The following BBS5 variants were observed in gnomAD, a reference collection of about 807,000 sequenced individuals.
The protein encoded by BBS5 is BBSome complex member BBS5.
A neutral mutation model predicts 50.2 loss-of-function variants in BBS5; 39 were observed. The ratio of observed to expected loss-of-function variants is 0.78; its 90% CI spans 0.60 to 1.01. BBS5 has a LOEUF of 1.01. Among genes scored for constraint, BBS5 ranks in the 50% least tolerant of loss-of-function variants. The pLI is 0.00. For synonymous variants in BBS5, 134 were observed against 133.1 expected, an observed-to-expected ratio of 1.01 and a Z score of -0.05; for missense variants, 356 against 401.5, an observed-to-expected ratio of 0.89 and a Z score of 0.97.
intron 5 of BBS5, among the ~76,000 whole-genome samples, chr2:169,491,154 G>T (rs1030866143): frequency 1.3e-5 from 2 of 152,102 alleles, no homozygotes; most frequent in African/African-American, 4.8e-5. Flanking sequence ...GTCAACATCT[G>T]TTTTCAGTTC....
Position 169,506,591 on chromosome 2 carries a change from T to C in BBS5, c.*2009T>C, listed in dbSNP as rs1683934250. On this transcript the variant is annotated 3_prime_UTR_variant, in exon 12 of 12. Transcript: ENST00000295240. Reference sequence around the variant, plus strand: ...TATTTTGTACTTAATACCTGTAAAGTCTTAGTTTTCAGACATTAAGTGACT... The same window carrying C: ...TATTTTGTACTTAATACCTGTAAAGCCTTAGTTTTCAGACATTAAGTGACT... 6.6e-6 allele frequency: 1 copy of C among 152,266 alleles called. No individual in the cohort carries two copies. 9.4% of individuals were successfully genotyped at this position (152,266 alleles called of 1,614,324 possible). A position where few individuals can be genotyped will look rare whatever the true frequency, so the allele number is the denominator to read the frequency against.
At position 169,487,789 on chromosome 2, in the gene BBS5, T is replaced by C. The variant is rs1379413615; in HGVS notation, c.209-17T>C. ...TACCATATCATGCTCTTTACATTCT[T>C]TGCTTTTGGATTTTAGCTGTCGGTT... On this transcript the variant is annotated splice_polypyrimidine_tract_variant and intron_variant, in intron 3 of 11. Coordinates refer to ENST00000295240, the MANE Select transcript of BBS5 (RefSeq NM_152384.3). The C allele has an allele frequency of 6.3e-7, 1 of 1,591,708 alleles. No homozygotes were observed. The highest frequency in any genetic ancestry group is 2.2e-5 in the East Asian group (1 of 44,628).
intron 6 of BBS5, among the ~76,000 whole-genome samples, chr2:169,493,480 T>G (rs1030992030): frequency 6.6e-6 from 1 of 152,204 alleles, no homozygotes; most frequent in Non-Finnish European, 1.5e-5. Context: ...ATCTCCATTT[T>G]ACATTTGACA....
At chr2:169,496,960 A>G (rs1683705388) in intron 7 of BBS5, among the ~76,000 whole-genome samples, 1 of 152,194 alleles carries the variant, frequency 6.6e-6, no homozygotes. Context: ...ACTTTAAAAA[A>G]CTAAACTAGG....
intron 8 of BBS5, chr2:169,499,109 G>C (rs1000720556): frequency 2.5e-5 from 5 of 196,734 alleles, no homozygotes; most frequent in African/African-American, 1.2e-4. Context: ...AGTTCCCTTG[G>C]CCTTCACAGT....
At chr2:169,487,168 A>G in intron 3 of BBS5, 34 bp downstream of exon 3, 1 of 1,488,756 alleles carries the variant, frequency 6.7e-7, no homozygotes, top group South Asian at 1.1e-5. Flanking sequence ...CTGAAGAAAA[A>G]AAATCCTTTG....
At chr2:169,496,670 C>G (rs1022287263) in intron 7 of BBS5, among the ~76,000 whole-genome samples, 1 of 151,668 alleles carries the variant, frequency 6.6e-6, no homozygotes, top group African/African-American at 2.4e-5. Flanking sequence ...GAGATCGAGA[C>G]CATCCCGGCT....
At chr2:169,486,739 A>T (rs904438734) in intron 2 of BBS5, among the ~76,000 whole-genome samples, 25 of 152,226 alleles carry the variant, frequency 1.6e-4, no homozygotes, top group Non-Finnish European at 2.8e-4. Context: ...AGTTGTACAC[A>T]TATGACTTGC....
At chr2:169,482,510 A>T in intron 2 of BBS5, 177 bp downstream of exon 2, 1 of 591,156 alleles carries the variant, frequency 1.7e-6, no homozygotes, top group South Asian at 1.9e-5. Context: ...GGTATTAAAC[A>T]TGTAGTTTGG....
chr2:169,487,206 T>A (rs1574336688), intron 3 of BBS5, 72 bp downstream of exon 3: 1 of 970,916 alleles, frequency 1.0e-6, no homozygotes, highest in East Asian at 2.4e-5. Context: ...GTGCCTTTGA[T>A]ACCAAAGAAG....
At chr2:169,493,047 G>A (rs747500320) in intron 6 of BBS5, 38 bp downstream of exon 6, 16 of 1,609,482 alleles carry the variant, frequency 9.9e-6, no homozygotes, top group Non-Finnish European at 1.3e-5. Context: ...TTGGGACAGT[G>A]TTTTGGTAAT....
Position 169,482,344 on chromosome 2 carries a change from T to C in BBS5, c.142+11T>C. Reference sequence around the variant, plus strand: ...ATAATGGAGATAGAGGTGAGTATATTTTTAAATGTATCTTATATTCCTGGT... The same window carrying C: ...ATAATGGAGATAGAGGTGAGTATATCTTTAAATGTATCTTATATTCCTGGT... On this transcript the variant is annotated intron_variant, in intron 2 of 11. Coordinates refer to ENST00000295240, the MANE Select transcript of BBS5 (RefSeq NM_152384.3). The C allele has an allele frequency of 1.4e-6, 2 of 1,480,976 alleles. No individual in the cohort carries two copies. Among genetic ancestry groups the C allele is most frequent in the Non-Finnish European group, 1.9e-6 (2 of 1,059,116 alleles). The allele number at this position is 1,480,976 out of a possible 1,614,324, so 91.7% of individuals were successfully genotyped here.
intron 2 of BBS5, among the ~76,000 whole-genome samples, chr2:169,486,737 A>G (rs1044734409): frequency 7.2e-5 from 11 of 152,196 alleles, no homozygotes; most frequent in Admixed American, 3.9e-4. Context: ...TCAGTTGTAC[A>G]CATATGACTT....
At chr2:169,501,232 C>G (rs1357684519) in intron 9 of BBS5, among the ~76,000 whole-genome samples, 1 of 152,172 alleles carries the variant, frequency 6.6e-6, no homozygotes, top group Admixed American at 6.5e-5. Context: ...CAGCTGTACT[C>G]AAAACTTTGA....
At chr2:169,483,760 T>A (rs946520082) in intron 2 of BBS5, among the ~76,000 whole-genome samples, 2 of 152,114 alleles carry the variant, frequency 1.3e-5, no homozygotes, top group Non-Finnish European at 2.9e-5. Flanking sequence ...AAAGTAATGC[T>A]TAGATCACAC....
Position 169,503,111 on chromosome 2 carries a change from C to T in BBS5, c.833C>T (p.Ala278Val), listed in dbSNP as rs992160516. The change falls in exon 10 of 12, where the codon GCT becomes GTT. Residue 278 changes from alanine to valine, a missense_variant. By Grantham distance (64) the Ala-to-Val change is moderately conservative. Transcript: ENST00000295240. The part of the protein sequence containing the change: ...EMEEKPQPLE[A>V]LTVEQIQDDV... The stretch of plus-strand genomic sequence containing the variant: ...GATTTTCAGCCCCAGCCGCTCGAAG[C>T]TCTGACAGTCGAACAAATTCAAGAT... 1 of 1,613,670 alleles carries T rather than the reference C, an allele frequency of 6.2e-7. No homozygotes were observed. The highest frequency in any genetic ancestry group is 1.1e-5 in the South Asian group (1 of 91,046).
In BBS5 at chr2:169,489,851, C is replaced by CTTTTTTTT. The variant is rs71003093; in HGVS notation, c.386+1771_386+1778dup. Among the ~76,000 whole-genome samples the CTTTTTTTT allele has an allele frequency of 1.1e-3, 71 of 65,886 alleles. 8 individuals are homozygous for CTTTTTTTT. Among genetic ancestry groups the CTTTTTTTT allele is most frequent in the Middle Eastern group, 9.1e-3 (1 of 110 alleles). The allele number at this position is 65,886 out of a possible 152,430, so 43.2% of individuals were successfully genotyped here. A position where few individuals can be genotyped will look rare whatever the true frequency, so the allele number is the denominator to read the frequency against. On this transcript the variant is annotated intron_variant, in intron 5 of 11. Transcript: ENST00000295240. ...TATTTTTTGGCTTCTCATAAATTTCCTTTTTTTTTTTTTTTTTTTTTTTTT... is the reference window on the plus strand; with the variant it reads ...TATTTTTTGGCTTCTCATAAATTTCCTTTTTTTTTTTTTTTTTTTTTTTTTTTTTTTTT...
rs1683489664 is a variant in BBS5 at position 169,486,433 on chromosome 2, T to C, written c.143-636T>C. 2.0e-5 allele frequency among the ~76,000 whole-genome samples: 3 copies of C among 152,314 alleles called. No homozygotes were observed. The South Asian group carries it at 6.2e-4, about 32-fold the overall frequency. Reference sequence around the variant, plus strand: ...TCTTGGAGCATCAGTAAGAGATCACTATTGTACAGGACACATTTTGAGAAA... The same window carrying C: ...TCTTGGAGCATCAGTAAGAGATCACCATTGTACAGGACACATTTTGAGAAA... On this transcript the variant is annotated intron_variant, in intron 2 of 11. Transcript: ENST00000295240.
intron 5 of BBS5, among the ~76,000 whole-genome samples, chr2:169,488,337 G>T (rs1328638736): frequency 6.6e-6 from 1 of 152,150 alleles, no homozygotes. Flanking sequence ...GAATCAGTGG[G>T]AGCCCTGAGC....
Sources: allele counts gnomAD v4.1 joint callset (sites outside exome capture counted in the v4.1 genomes callset), GRCh38; gene constraint gnomAD v4.1.1; transcripts MANE v1.5; gene names NCBI Gene and HGNC (gene_info 2026-07-23, HGNC 2026-07-21).